The following UMAD1 variants were observed in gnomAD, a reference collection of about 807,000 sequenced individuals.
UMAD1 encodes UBAP1-MVB12-associated (UMA) domain containing 1, also known as UBAP1-MVB12-associated (UMA)-domain containing protein 1.
UMAD1 carries 8 observed loss-of-function variants against 6.1 expected under a neutral mutation model. The observed-to-expected ratio is 1.30, with a 90% CI of 0.76 to 2.35. UMAD1 has a LOEUF of 2.35. UMAD1 is among the 30% of genes most tolerant of loss of function. The probability of loss-of-function intolerance (pLI) is 0.00; values close to 1 mark genes in which losing one functional copy is unlikely to be tolerated. For missense variants in UMAD1, 130 were observed against 78.4 expected (o/e 1.66, Z -2.49); for synonymous variants, 56 against 31.4 (o/e 1.78, Z -2.61).
intron 2 of UMAD1, among the ~76,000 whole-genome samples, chr7:7,781,190 A>T: frequency 6.6e-6 from 1 of 152,162 alleles, no homozygotes; most frequent in East Asian, 1.9e-4. Flanking sequence ...GATGAACTAA[A>T]TTCTTTTATA....
chr7:7,782,064 C>T (rs562232372), intron 2 of UMAD1, among the ~76,000 whole-genome samples: 29 of 152,126 alleles, frequency 1.9e-4, no homozygotes, highest in African/African-American at 6.0e-4. Flanking sequence ...AAAGTAGTTA[C>T]GAAAACCACA....
intron 2 of UMAD1, among the ~76,000 whole-genome samples, chr7:7,734,658 A>T (rs1474074837): frequency 6.6e-6 from 1 of 152,214 alleles, no homozygotes; most frequent in African/African-American, 2.4e-5. Context: ...GCCCTTCGCC[A>T]TATCATGCTG....
At chr7:7,735,430 A>G (rs1379551229) in intron 2 of UMAD1, among the ~76,000 whole-genome samples, 1 of 148,640 alleles carries the variant, frequency 6.7e-6, no homozygotes, top group Non-Finnish European at 1.5e-5. Context: ...TTTTTTTGAG[A>G]CAGAGTTTCA....
chr7:7,779,748 GATCT>G (rs1782306594), intron 2 of UMAD1, among the ~76,000 whole-genome samples: 1 of 152,022 alleles, frequency 6.6e-6, no homozygotes, highest in African/African-American at 2.4e-5. Context: ...GTGCTCAAGG[GATCT>G]TCCCACCTCA....
intron 1 of UMAD1, among the ~76,000 whole-genome samples, chr7:7,662,299 C>T (rs1166971217): frequency 2.0e-5 from 3 of 152,116 alleles, no homozygotes; most frequent in African/African-American, 7.2e-5. Context: ...GGCTTCAGCC[C>T]CCTTTCCAGG....
chr7:7,706,356 G>T (rs1780599657), intron 2 of UMAD1, among the ~76,000 whole-genome samples: 1 of 152,114 alleles, frequency 6.6e-6, no homozygotes, highest in Non-Finnish European at 1.5e-5. Context: ...TGGGTTTGCT[G>T]GTTAGAGCAT....
chr7:7,676,127 C>T (rs577457512), intron 2 of UMAD1: 5 of 398,508 alleles, frequency 1.3e-5, no homozygotes, highest in Non-Finnish European at 2.2e-5. Flanking sequence ...TCTCCAGTGA[C>T]GTGCTGTTAA....
chr7:7,806,398 G>C (rs1169681039), intron 3 of UMAD1, among the ~76,000 whole-genome samples: 1 of 152,090 alleles, frequency 6.6e-6, no homozygotes, highest in Non-Finnish European at 1.5e-5. Flanking sequence ...TGCTTAGATT[G>C]TCTTTTATGA....
chr7:7,665,758 T>C (rs1192716166), intron 1 of UMAD1, among the ~76,000 whole-genome samples: 1 of 152,178 alleles, frequency 6.6e-6, no homozygotes, highest in East Asian at 1.9e-4. Context: ...TTTGTATTTT[T>C]GAGAAGCTTA....
intron 2 of UMAD1, among the ~76,000 whole-genome samples, chr7:7,771,170 T>C (rs1288711775): frequency 6.6e-6 from 1 of 151,860 alleles, no homozygotes; most frequent in Non-Finnish European, 1.5e-5. Context: ...GATAATTGTA[T>C]TGACAGCTTC....
At chr7:7,797,557 T>G (rs73356230) in intron 2 of UMAD1, among the ~76,000 whole-genome samples, 13,071 of 152,178 alleles carry the variant, frequency 0.086, 763 homozygotes, top group African/African-American at 0.16. Context: ...CTGTCCAATT[T>G]CCTTTATACA....
intron 2 of UMAD1, among the ~76,000 whole-genome samples, chr7:7,699,916 A>G (rs768473810): frequency 5.3e-5 from 8 of 152,244 alleles, no homozygotes; most frequent in Admixed American, 2.6e-4. Flanking sequence ...TTCATAGATT[A>G]TAGCCAGAAA....
At chr7:7,834,490 A>G (rs1352514289) in intron 3 of UMAD1, among the ~76,000 whole-genome samples, 1 of 152,134 alleles carries the variant, frequency 6.6e-6, no homozygotes, top group Non-Finnish European at 1.5e-5. Flanking sequence ...TGACTTAAAC[A>G]ACAGACATTT....
intron 2 of UMAD1, among the ~76,000 whole-genome samples, chr7:7,782,357 G>A (rs1782362310): frequency 6.6e-6 from 1 of 152,076 alleles, no homozygotes; most frequent in Admixed American, 6.5e-5. Flanking sequence ...CTTACAGCAT[G>A]TATTCATCTG....
chr7:7,862,587 C>A (rs1784134984), intron 3 of UMAD1, among the ~76,000 whole-genome samples: 1 of 152,154 alleles, frequency 6.6e-6, no homozygotes, highest in Admixed American at 6.5e-5. Context: ...AGAATTCGTG[C>A]ACAAAAGTCT....
intron 3 of UMAD1, among the ~76,000 whole-genome samples, chr7:7,815,959 G>A (rs1783116847): frequency 6.6e-6 from 1 of 152,156 alleles, no homozygotes; most frequent in Admixed American, 6.5e-5. Context: ...GCATTCATTA[G>A]TGATGCCTGG....
intron 1 of UMAD1, among the ~76,000 whole-genome samples, chr7:7,654,485 A>C (rs1420191659): frequency 6.6e-6 from 1 of 152,264 alleles, no homozygotes; most frequent in Non-Finnish European, 1.5e-5. Flanking sequence ...CTGATACCCA[A>C]ATCCACAGAT....
intron 3 of UMAD1, among the ~76,000 whole-genome samples, chr7:7,832,193 G>A (rs554082632): frequency 6.6e-6 from 1 of 152,288 alleles, no homozygotes; most frequent in East Asian, 1.9e-4. Context: ...CCATAGCATT[G>A]TATTTTGCCA....
intron 1 of UMAD1, among the ~76,000 whole-genome samples, chr7:7,642,051 G>A (rs1784985663): frequency 6.6e-6 from 1 of 152,196 alleles, no homozygotes; most frequent in Non-Finnish European, 1.5e-5. Context: ...TTATATTACA[G>A]CTTTAAGTCT....
Sources: gnomAD v4.1 joint callset for allele counts (sites outside exome capture counted in the v4.1 genomes callset) on GRCh38, gnomAD v4.1.1 for gene constraint, MANE v1.5 for transcripts, NCBI Gene and HGNC (gene_info 2026-07-23, HGNC 2026-07-21) for gene names.